GRM5: variants seen among roughly 807,000 people sequenced by gnomAD.
GRM5 encodes glutamate metabotropic receptor 5, also known as metabotropic glutamate receptor 5.
A neutral mutation model predicts 83.1 loss-of-function variants in GRM5; 19 were observed. The observed-to-expected ratio is 0.23, with a 90% confidence interval of 0.16 to 0.34. The LOEUF is 0.34. Among genes scored for constraint, GRM5 ranks in the 10% least tolerant of loss-of-function variants. The pLI is 1.00. For missense variants in GRM5, 1,160 were observed against 1,588.3 expected (o/e 0.73, Z 4.58); for synonymous variants, 675 against 633.6 (o/e 1.07, Z -0.98).
chr11:88,836,008 A>C (rs1240410471), intron 3 of GRM5, among the ~76,000 whole-genome samples: 1 of 152,214 alleles, frequency 6.6e-6, no homozygotes, highest in African/African-American at 2.4e-5. Flanking sequence ...CTCCGATCTC[A>C]TAACCCATCA....
At chr11:88,914,824 A>G (rs1225315558) in intron 2 of GRM5, among the ~76,000 whole-genome samples, 1 of 152,158 alleles carries the variant, frequency 6.6e-6, no homozygotes, top group African/African-American at 2.4e-5. Flanking sequence ...CTCAAACGTA[A>G]AGAAAAATGT....
rs188387920 is a variant in GRM5 at position 88,664,709 on chromosome 11, A to G, written c.912-11306T>C. On this transcript the variant is annotated intron_variant, in intron 3 of 9. Coordinates refer to ENST00000305447, the MANE Select transcript of GRM5 (RefSeq NM_001143831.3). ...TGATCCACCTGCCTCGGCCTCCCAA[A>G]GTGCTGGGATTACAGGTGTGAGCCA... Among the ~76,000 whole-genome samples the G allele has an allele frequency of 2.0e-4, 30 of 152,240 alleles. No individual in the cohort carries two copies. The East Asian group carries it at 3.9e-3, about 20-fold the overall frequency.
chr11:88,993,521 A>T (rs1218185396), intron 2 of GRM5, among the ~76,000 whole-genome samples: 1 of 152,152 alleles, frequency 6.6e-6, no homozygotes, highest in African/African-American at 2.4e-5. Context: ...TTTGAAATCA[A>T]GGAATGTGAT....
chr11:88,978,934 A>G (rs535842533), intron 2 of GRM5, among the ~76,000 whole-genome samples: 1 of 152,222 alleles, frequency 6.6e-6, no homozygotes, highest in African/African-American at 2.4e-5. Flanking sequence ...TTAAGATTGC[A>G]CTCTTTACTG....
At chr11:88,868,953 G>A (rs1267482688) in intron 2 of GRM5, among the ~76,000 whole-genome samples, 3 of 151,766 alleles carry the variant, frequency 2.0e-5, no homozygotes, top group South Asian at 2.1e-4. Context: ...GAAATCCCAC[G>A]ATAGTACCAA....
intron 3 of GRM5, among the ~76,000 whole-genome samples, chr11:88,817,927 C>T (rs1000316021): frequency 3.3e-5 from 5 of 152,096 alleles, no homozygotes; most frequent in Non-Finnish European, 5.9e-5. Flanking sequence ...TGTTACACTG[C>T]TTCCCTAAGT....
chr11:88,683,410 A>T (rs1428696661), intron 3 of GRM5, among the ~76,000 whole-genome samples: 1 of 152,220 alleles, frequency 6.6e-6, no homozygotes, highest in Non-Finnish European at 1.5e-5. Flanking sequence ...ACATTCTATT[A>T]CTTTAGCATT....
rs1342703558 is a variant in GRM5, at chr11:88,506,153, C to T, written c.*2439G>A. 1 of 152,044 alleles carries T rather than the reference C, an allele frequency of 6.6e-6. No homozygotes were observed. Among genetic ancestry groups the T allele is most frequent in the Non-Finnish European group, 1.5e-5 (1 of 68,012 alleles). The allele number at this position is 152,044 out of a possible 1,614,324, so 9.4% of individuals were successfully genotyped here. A position where few individuals can be genotyped will look rare whatever the true frequency, so the allele number is the denominator to read the frequency against. On this transcript the variant is annotated 3_prime_UTR_variant, in exon 10 of 10. Coordinates refer to ENST00000305447, the MANE Select transcript of GRM5 (RefSeq NM_001143831.3). ...TGATTATGATAGCATGTGGAAGTAT[C>T]AGATGGCAATTTACTTGCATTAAAT...
In GRM5 at chr11:88,613,498, A is replaced by G. The variant is rs376737083; in HGVS notation, c.1148-8534T>C. ...AAAATTATCGTTGGTTTATAAGAAA[A>G]GCTACCCCTGCAGTTTTTTGTTTTC... On this transcript the variant is annotated intron_variant, in intron 4 of 9. Transcript: ENST00000305447. Among the ~76,000 whole-genome samples the G allele has an allele frequency of 1.2e-3, 177 of 152,184 alleles. 1 individual carries two copies. The Middle Eastern group carries it at 0.014, about 12-fold the overall frequency.
chr11:88,768,515 T>C (rs909484799), intron 3 of GRM5, among the ~76,000 whole-genome samples: 2 of 151,896 alleles, frequency 1.3e-5, no homozygotes, highest in Non-Finnish European at 2.9e-5. Flanking sequence ...GTTATGGGGA[T>C]AGATGGTGGT....
chr11:88,869,124 A>T (rs550471810), intron 2 of GRM5, among the ~76,000 whole-genome samples: 1 of 151,704 alleles, frequency 6.6e-6, no homozygotes, highest in African/African-American at 2.4e-5. Context: ...GAAGCAGCCA[A>T]TGTGGCTCCT....
At chr11:88,682,107 T>C in intron 3 of GRM5, among the ~76,000 whole-genome samples, 1 of 152,204 alleles carries the variant, frequency 6.6e-6, no homozygotes, top group East Asian at 1.9e-4. Context: ...TGATTTTAAG[T>C]AACTGAGAGT....
At chr11:88,756,078 C>T (rs2135432745) in intron 3 of GRM5, among the ~76,000 whole-genome samples, 1 of 152,276 alleles carries the variant, frequency 6.6e-6, no homozygotes, top group East Asian at 1.9e-4. Flanking sequence ...ACATTCTACC[C>T]ATCTAGGGAT....
intron 3 of GRM5, among the ~76,000 whole-genome samples, chr11:88,798,820 A>AAAAAAAAAAC (rs1555017418): frequency 3.7e-5 from 5 of 136,284 alleles, no homozygotes; most frequent in East Asian, 2.2e-4. Context: ...AAAAAAAAAA[A>AAAAAAAAAAC]AAAAAAACAA....
chr11:88,525,050 C>T (rs982505157), intron 9 of GRM5, among the ~76,000 whole-genome samples: 22 of 152,220 alleles, frequency 1.4e-4, no homozygotes, highest in African/African-American at 5.3e-4. Context: ...GGAGGACTGA[C>T]TGTGAGCTAA....
intron 3 of GRM5, among the ~76,000 whole-genome samples, chr11:88,734,646 T>A (rs916363899): frequency 3.3e-5 from 5 of 152,090 alleles, no homozygotes; most frequent in Non-Finnish European, 5.9e-5. Context: ...TGGTTACAGT[T>A]ACTTAACATG....
intron 8 of GRM5, among the ~76,000 whole-genome samples, chr11:88,549,289 A>G (rs1396986504): frequency 6.6e-6 from 1 of 151,952 alleles, no homozygotes; most frequent in Non-Finnish European, 1.5e-5. Context: ...ACATGGTAAT[A>G]CCTGGTCTCT....
At chr11:88,990,288 T>C (rs1434898460) in intron 2 of GRM5, among the ~76,000 whole-genome samples, 4 of 152,144 alleles carry the variant, frequency 2.6e-5, no homozygotes, top group Non-Finnish European at 4.4e-5. Context: ...CCTCGACCCA[T>C]ACACTTTCCC....
chr11:89,038,640 C>T (rs560084504), intron 2 of GRM5, among the ~76,000 whole-genome samples: 14 of 152,184 alleles, frequency 9.2e-5, no homozygotes, highest in African/African-American at 3.4e-4. Context: ...TCCATGGGAA[C>T]AAGGAAAGGT....
Sources: allele counts gnomAD v4.1 joint callset (sites outside exome capture counted in the v4.1 genomes callset), GRCh38; gene constraint gnomAD v4.1.1; transcripts MANE v1.5; gene names NCBI Gene and HGNC (gene_info 2026-07-23, HGNC 2026-07-21).